Variants in LTBP1 observed in about 807,000 individuals in gnomAD.
LTBP1 encodes latent-transforming growth factor beta-binding protein 1.
A neutral mutation model predicts 207.6 loss-of-function variants in LTBP1; 129 were observed. The ratio of observed to expected loss-of-function variants is 0.62; its 90% CI spans 0.54 to 0.72. The LOEUF (loss-of-function observed/expected upper bound fraction) is 0.72. Ranked by LOEUF, LTBP1 falls within the 30% of genes least tolerant of loss-of-function variation. The pLI, the probability that LTBP1 is intolerant of heterozygous loss-of-function variation, is 0.00. For synonymous variants in LTBP1, 963 were observed against 833.7 expected (o/e 1.16, Z -2.67); for missense variants, 2,281 against 2,217.2 (o/e 1.03, Z -0.58).
Position 33,050,602 on chromosome 2 carries a change from A to G in LTBP1, c.863+29396A>G, listed in dbSNP as rs1573314604. On this transcript the variant is annotated intron_variant, in intron 3 of 33. Coordinates refer to ENST00000404816, the MANE Select transcript of LTBP1 (RefSeq NM_206943.4). ...GTTTAAAGCAAAGTAGTACTTCAAA[A>G]CTTCATTAATTTTGAAGTATTACTC... 2.0e-5 allele frequency among the ~76,000 whole-genome samples: 3 copies of G among 152,242 alleles called. No homozygotes were observed. In the South Asian group the frequency reaches 6.2e-4, roughly 32 times the overall value.
At chr2:33,149,324 C>T (rs1426743168) in intron 5 of LTBP1, among the ~76,000 whole-genome samples, 1 of 151,544 alleles carries the variant, frequency 6.6e-6, no homozygotes, top group South Asian at 2.1e-4. Context: ...TTGAGAAGGC[C>T]TGCTCCTTAG....
intron 2 of LTBP1, among the ~76,000 whole-genome samples, chr2:32,969,556 A>G (rs1680547117): frequency 6.6e-6 from 1 of 152,170 alleles, no homozygotes; most frequent in Non-Finnish European, 1.5e-5. Flanking sequence ...TAGTTCACTT[A>G]GGATAATGGC....
intron 19 of LTBP1, among the ~76,000 whole-genome samples, chr2:33,292,883 C>T (rs10175557): frequency 0.36 from 54,802 of 151,934 alleles, 10,739 homozygotes; most frequent in Admixed American, 0.42. Context: ...CTCTTCCTTC[C>T]TCCCCCCTAC....
intron 2 of LTBP1, among the ~76,000 whole-genome samples, chr2:32,952,261 G>A (rs954117079): frequency 6.6e-6 from 1 of 152,220 alleles, no homozygotes; most frequent in Non-Finnish European, 1.5e-5. Context: ...AAATCAGAGA[G>A]ATGTGAACAA....
intron 3 of LTBP1, among the ~76,000 whole-genome samples, chr2:33,027,075 T>C (rs1429886126): frequency 3.9e-5 from 6 of 152,232 alleles, no homozygotes; most frequent in Admixed American, 3.3e-4. Flanking sequence ...TCTATGCAGT[T>C]GTGTGACTAT....
chr2:33,239,659 G>A lies in LTBP1; in HGVS notation c.1877-4003G>A, dbSNP rs187867657. 5.4e-4 allele frequency among the ~76,000 whole-genome samples: 82 copies of A among 151,704 alleles called. No individual in the cohort carries two copies. The Middle Eastern group carries it at 0.014, about 25-fold the overall frequency. Reference sequence around the variant, plus strand: ...GGGAGGCTGAGCACTTTGGGAGGCCGAGGTGGGCGGATCACTTGAGGTCAG... The same window carrying A: ...GGGAGGCTGAGCACTTTGGGAGGCCAAGGTGGGCGGATCACTTGAGGTCAG... On this transcript the variant is annotated intron_variant, in intron 9 of 33. Coordinates refer to ENST00000404816, the MANE Select transcript of LTBP1 (RefSeq NM_206943.4).
At chr2:33,288,134 A>C (rs999389782) in intron 19 of LTBP1, among the ~76,000 whole-genome samples, 1 of 152,232 alleles carries the variant, frequency 6.6e-6, no homozygotes. Context: ...GAATTTGGAT[A>C]GCCTTAGAGA....
At chr2:33,376,883 G>A (rs1310400199) in intron 31 of LTBP1, among the ~76,000 whole-genome samples, 1 of 152,070 alleles carries the variant, frequency 6.6e-6, no homozygotes, top group African/African-American at 2.4e-5. Context: ...ATGAATGGCA[G>A]AGAAGCCAGG....
intron 22 of LTBP1, among the ~76,000 whole-genome samples, chr2:33,302,737 A>T (rs2094008936): frequency 6.6e-6 from 1 of 151,954 alleles, no homozygotes; most frequent in African/African-American, 2.4e-5. Flanking sequence ...TTCCTCAAAG[A>T]GTTAATAACA....
At chr2:33,357,547 C>T (rs550089248) in intron 26 of LTBP1, among the ~76,000 whole-genome samples, 114 of 152,284 alleles carry the variant, frequency 7.5e-4, no homozygotes, top group Non-Finnish European at 1.2e-3. Context: ...TTTACCAGCA[C>T]CTTCTATCTC....
chr2:33,166,095 A>G (rs1442761202), intron 5 of LTBP1, among the ~76,000 whole-genome samples: 1 of 149,980 alleles, frequency 6.7e-6, no homozygotes, highest in East Asian at 1.9e-4. Flanking sequence ...TGTTTGGATC[A>G]GATCTGCTAT....
intron 5 of LTBP1, among the ~76,000 whole-genome samples, chr2:33,143,836 T>G (rs1429913398): frequency 6.6e-6 from 1 of 151,934 alleles, no homozygotes; most frequent in Non-Finnish European, 1.5e-5. Context: ...TACTATGTCA[T>G]TTGACACTTG....
chr2:33,137,747 T>A (rs2082262705), intron 5 of LTBP1, among the ~76,000 whole-genome samples: 1 of 152,238 alleles, frequency 6.6e-6, no homozygotes, highest in Non-Finnish European at 1.5e-5. Flanking sequence ...ACAGACATGA[T>A]CATCACCATT....
intron 20 of LTBP1, among the ~76,000 whole-genome samples, chr2:33,298,317 C>T (rs2093919844): frequency 6.6e-6 from 1 of 152,158 alleles, no homozygotes; most frequent in Admixed American, 6.5e-5. Context: ...TGAATTACTC[C>T]TGACATTCTT....
intron 31 of LTBP1, among the ~76,000 whole-genome samples, chr2:33,374,725 G>A (rs1222678743): frequency 2.6e-5 from 4 of 152,174 alleles, no homozygotes; most frequent in African/African-American, 9.7e-5. Context: ...AGGCCAAGGT[G>A]GGCAGATTCT....
In LTBP1 at chr2:33,164,352, GAAAAAAAAAAA is replaced by G. The variant is rs56916166; in HGVS notation, c.1202-22486_1202-22476del. On this transcript the variant is annotated intron_variant, in intron 5 of 33. Transcript: ENST00000404816. ...GTGACAGAGCAAGACTTCCTCTCAGGAAAAAAAAAAAAAAAAAAAAAAAAAAAAGATTAAGA... is the reference window on the plus strand; with the variant it reads ...GTGACAGAGCAAGACTTCCTCTCAGGAAAAAAAAAAAAAAAAAGATTAAGA... 4.8e-3 allele frequency among the ~76,000 whole-genome samples: 135 copies of G among 28,244 alleles called. 1 individual carries two copies. The highest frequency in any genetic ancestry group is 0.014 in the African/African-American group (118 of 8,572). 18.5% of individuals were successfully genotyped at this position (28,244 alleles called of 152,430 possible). A position where few individuals can be genotyped will look rare whatever the true frequency, so the allele number is the denominator to read the frequency against.
chr2:33,230,646 C>T (rs137929087), intron 9 of LTBP1, among the ~76,000 whole-genome samples: 2,708 of 152,262 alleles, frequency 0.018, 38 homozygotes, highest in Middle Eastern at 0.082. Flanking sequence ...CTTTAATACT[C>T]AGTCCTTCCC....
intron 7 of LTBP1, among the ~76,000 whole-genome samples, chr2:33,200,865 C>A (rs2089162473): frequency 6.6e-6 from 1 of 152,156 alleles, no homozygotes; most frequent in South Asian, 2.1e-4. Context: ...AGCCAAAAGA[C>A]ACATGAAAAA....
intron 9 of LTBP1, among the ~76,000 whole-genome samples, chr2:33,231,616 C>G (rs1173051369): frequency 6.6e-6 from 1 of 151,990 alleles, no homozygotes; most frequent in African/African-American, 2.4e-5. Context: ...GCAGATTGGT[C>G]TTTGAATGCT....
Sources: allele counts gnomAD v4.1 joint callset (sites outside exome capture counted in the v4.1 genomes callset), GRCh38; gene constraint gnomAD v4.1.1; transcripts MANE v1.5; gene names NCBI Gene and HGNC (gene_info 2026-07-23, HGNC 2026-07-21).